GTF2B: variants seen among roughly 807,000 people sequenced by gnomAD.
GTF2B encodes the protein general transcription factor IIB.
Under a neutral mutation model 34.6 loss-of-function variants are expected in GTF2B, and 20 were observed. That is an observed-to-expected ratio of 0.58 (90% confidence interval 0.41 to 0.84). GTF2B has a LOEUF of 0.84. Ranked by LOEUF, GTF2B falls within the 40% of genes least tolerant of loss-of-function variation. GTF2B has a pLI of 0.00. For missense variants in GTF2B, 237 were observed against 393.3 expected, an observed-to-expected ratio of 0.60 and a Z score of 3.36; for synonymous variants, 142 against 132.4, an observed-to-expected ratio of 1.07 and a Z score of -0.50.
Position 88,880,850 on chromosome 1 carries a change from A to G in GTF2B, c.124+6411T>C, listed in dbSNP as rs1024149679. Among the ~76,000 whole-genome samples the G allele has an allele frequency of 7.9e-5, 12 of 152,044 alleles. 1 individual carries two copies. The highest frequency in any genetic ancestry group is 2.7e-4 in the African/African-American group (11 of 41,390). ...ATGGGGAAACCCCGTCTTTCCTAAA[A>G]TAACAAAAATTAGCTGGGAGTGGCA... is the stretch of plus-strand genomic sequence containing the variant. On this transcript the variant is annotated intron_variant, in intron 2 of 6. Transcript: ENST00000370500.
intron 3 of GTF2B, 85 bp downstream of exon 3, chr1:88,863,896 G>T: frequency 8.4e-7 from 1 of 1,191,526 alleles, no homozygotes; most frequent in Non-Finnish European, 1.2e-6. Flanking sequence ...CACTGGTGCA[G>T]TGACTGATAC....
intron 2 of GTF2B, among the ~76,000 whole-genome samples, chr1:88,882,310 C>CA (rs59699371): frequency 0.018 from 632 of 36,008 alleles, 85 homozygotes; most frequent in Middle Eastern, 0.065. Flanking sequence ...ACTCTCACTC[C>CA]AAAAAAAAAA....
intron 2 of GTF2B, among the ~76,000 whole-genome samples, chr1:88,882,310 C>CAAAAAA (rs59699371): frequency 5.6e-5 from 2 of 36,020 alleles, no homozygotes; most frequent in African/African-American, 8.1e-5. Context: ...ACTCTCACTC[C>CAAAAAA]AAAAAAAAAA....
intron 5 of GTF2B, among the ~76,000 whole-genome samples, chr1:88,859,317 A>C (rs1223697718): frequency 1.2e-4 from 19 of 152,324 alleles, no homozygotes; most frequent in African/African-American, 4.6e-4. Flanking sequence ...AGTCCATCAA[A>C]AGATCTCACT....
intron 3 of GTF2B, among the ~76,000 whole-genome samples, chr1:88,861,169 C>T (rs1557653913): frequency 6.6e-6 from 1 of 152,094 alleles, no homozygotes; most frequent in Non-Finnish European, 1.5e-5. Context: ...AAAACAACAA[C>T]AAAAATCTTG....
chr1:88,857,313 C>T lies in GTF2B; in HGVS notation c.710G>A (p.Arg237His), dbSNP rs764583147. The T allele has an allele frequency of 5.0e-6, 8 of 1,613,304 alleles. No individual in the cohort carries two copies. The highest frequency in any genetic ancestry group is 6.8e-6 in the Non-Finnish European group (8 of 1,179,382). The part of the protein sequence containing the change: ...QVQMAATHIA[R>H]KAVELDLVPG... ...AACCAAGTCCAGTTCCACAGCTTTACGGGCTATATGTGTAGCTGCCATCTG... is the reference window on the plus strand; with the variant it reads ...AACCAAGTCCAGTTCCACAGCTTTATGGGCTATATGTGTAGCTGCCATCTG... Residue 237 changes from arginine to histidine, a missense_variant, in exon 6 of 7, where the codon CGT becomes CAT. Arg to His is a conservative substitution (Grantham distance 29). Coordinates refer to ENST00000370500, the MANE Select transcript of GTF2B (RefSeq NM_001514.6).
chr1:88,882,806 A>G (rs1158704173), intron 2 of GTF2B, among the ~76,000 whole-genome samples: 1 of 152,208 alleles, frequency 6.6e-6, no homozygotes, highest in Non-Finnish European at 1.5e-5. Flanking sequence ...CATTCATAGA[A>G]TTGTATTACA....
chr1:88,887,616 A>G, intron 1 of GTF2B: 1 of 402,230 alleles, frequency 2.5e-6, no homozygotes, highest in Non-Finnish European at 4.6e-6. Context: ...TAAATAGAAA[A>G]TAATTGTTTC....
intron 3 of GTF2B, 23 bp from the exon 4 acceptor site, chr1:88,860,309 T>C (rs747360787): frequency 1.2e-5 from 19 of 1,578,826 alleles, no homozygotes; most frequent in Non-Finnish European, 1.5e-5. Context: ...TTTATAACTA[T>C]GAAAAAATTT....
At chr1:88,884,023 CTTTTTTT>C (rs56745053) in intron 2 of GTF2B, among the ~76,000 whole-genome samples, 1 of 111,206 alleles carries the variant, frequency 9.0e-6, no homozygotes, top group African/African-American at 3.6e-5. Flanking sequence ...TCAGCACTGA[CTTTTTTT>C]TTTTTTTTTT....
intron 2 of GTF2B, among the ~76,000 whole-genome samples, chr1:88,877,860 G>A (rs1335745422): frequency 6.6e-6 from 1 of 152,222 alleles, no homozygotes; most frequent in African/African-American, 2.4e-5. Flanking sequence ...GAACCCGGGA[G>A]GCAGAGGTTG....
chr1:88,885,121 G>C (rs1212531152), intron 2 of GTF2B, among the ~76,000 whole-genome samples: 3 of 152,208 alleles, frequency 2.0e-5, no homozygotes, highest in Admixed American at 6.5e-5. Flanking sequence ...AAACAAGTGA[G>C]TGTTGCTATA....
chr1:88,886,088 A>C (rs950663603), intron 2 of GTF2B, among the ~76,000 whole-genome samples: 6 of 152,204 alleles, frequency 3.9e-5, no homozygotes, highest in Non-Finnish European at 8.8e-5. Context: ...CATTTAGAAT[A>C]GTGCCTAGTA....
rs377030804 is a variant in GTF2B, at chr1:88,856,272, C to CAAAAAAAAAAAAAAAAA, written c.817+917_817+933dup. ...CAACAGAGGGAGACTGTTTCAAAAA[C>CAAAAAAAAAAAAAAAAA]AAAAAAAAAAAAAAAAAACAAAAAA... On this transcript the variant is annotated intron_variant, in intron 6 of 6. Coordinates refer to ENST00000370500, the MANE Select transcript of GTF2B (RefSeq NM_001514.6). Among the ~76,000 whole-genome samples the CAAAAAAAAAAAAAAAAA allele has an allele frequency of 1.0e-4, 5 of 50,042 alleles. 1 individual carries two copies. Among genetic ancestry groups the CAAAAAAAAAAAAAAAAA allele is most frequent in the Non-Finnish European group, 1.7e-4 (5 of 29,824 alleles). The allele number at this position is 50,042 out of a possible 152,430, so 32.8% of individuals were successfully genotyped here.
chr1:88,876,556 C>T (rs1205294206), intron 2 of GTF2B, among the ~76,000 whole-genome samples: 1 of 151,972 alleles, frequency 6.6e-6, no homozygotes, highest in African/African-American at 2.4e-5. Context: ...GTGGTTTGAG[C>T]CCGTGGCGAC....
intron 1 of GTF2B, 131 bp from the exon 2 acceptor site, chr1:88,887,498 T>C (rs903788945): frequency 1.1e-5 from 7 of 636,754 alleles, no homozygotes; most frequent in Non-Finnish European, 2.0e-5. Flanking sequence ...ACATATAAGC[T>C]AGATTTTCAA....
At chr1:88,856,237 C>G (rs1673300075) in intron 6 of GTF2B, among the ~76,000 whole-genome samples, 1 of 132,664 alleles carries the variant, frequency 7.5e-6, no homozygotes, top group South Asian at 2.4e-4. Context: ...CACTGTACCT[C>G]CAGCCTGCGC....
At chr1:88,887,215 G>C in intron 2 of GTF2B, 46 bp downstream of exon 2, 2 of 1,230,546 alleles carry the variant, frequency 1.6e-6, no homozygotes, top group Non-Finnish European at 2.4e-6. Context: ...CACCATGCTT[G>C]GCCTCCTGAA....
rs539777354 is a variant in GTF2B at position 88,871,004 on chromosome 1, C to T, written c.125-6890G>A. 8.6e-5 allele frequency among the ~76,000 whole-genome samples: 13 copies of T among 150,546 alleles called. No individual in the cohort carries two copies. The South Asian group carries it at 1.1e-3, about 12-fold the overall frequency. On this transcript the variant is annotated intron_variant, in intron 2 of 6. Coordinates refer to ENST00000370500, the MANE Select transcript of GTF2B (RefSeq NM_001514.6). The stretch of plus-strand genomic sequence containing the variant: ...GCAACCTCTGCCTCCTAGGTTCAAG[C>T]GATTCTCCTGCCTTGGCCTCCTGAG...
Sources: gnomAD v4.1 joint callset for allele counts (sites outside exome capture counted in the v4.1 genomes callset) on GRCh38, gnomAD v4.1.1 for gene constraint, MANE v1.5 for transcripts, NCBI Gene and HGNC (gene_info 2026-07-23, HGNC 2026-07-21) for gene names.